Variants in TEX11 observed in about 807,000 individuals in gnomAD.
TEX11 encodes the protein testis expressed 11, also known as testis-expressed protein 11.
A neutral mutation model predicts 84.4 loss-of-function variants in TEX11; 7 were observed. The ratio of observed to expected loss-of-function variants is 0.08; its 90% CI spans 0.05 to 0.16. The LOEUF (loss-of-function observed/expected upper bound fraction) is 0.16. TEX11 is among the 10% of genes least tolerant of loss of function. The probability of loss-of-function intolerance (pLI) is 1.00; values close to 1 mark genes in which losing one functional copy is unlikely to be tolerated. For missense variants in TEX11, 551 were observed against 660.5 expected, an observed-to-expected ratio of 0.83 and a Z score of 1.82; for synonymous variants, 264 against 222.8, an observed-to-expected ratio of 1.18 and a Z score of -1.64.
At chrX:70,735,960 G>A (rs1189757426) in intron 11 of TEX11, among the ~76,000 whole-genome samples, 1 of 111,487 alleles carries the variant, frequency 9.0e-6, no homozygotes, top group East Asian at 2.8e-4. Context: ...CAATTGGGTT[G>A]TTTGTCTTCT....
chrX:70,549,654 G>A (rs945776439), intron 28 of TEX11, among the ~76,000 whole-genome samples: 12 of 111,980 alleles, frequency 1.1e-4, no homozygotes, highest in African/African-American at 3.9e-4. Context: ...CCACCTGATG[G>A]TGGTGGCCAC....
intron 25 of TEX11, among the ~76,000 whole-genome samples, chrX:70,576,875 C>A (rs1207935593): frequency 1.8e-5 from 2 of 112,100 alleles, no homozygotes; most frequent in Non-Finnish European, 3.8e-5. Flanking sequence ...CCTTTATCTA[C>A]AATAACAAGA....
At position 70,666,249 on chromosome X, in the gene TEX11, G is replaced by A. The variant is rs750691976; in HGVS notation, c.1380+4128C>T. Reference sequence around the variant, plus strand: ...CAAGGAAATTTCCTCAGGAAGCTAAGAATGTCATTAAGAGTTAGGCTTTGA... The same window carrying A: ...CAAGGAAATTTCCTCAGGAAGCTAAAAATGTCATTAAGAGTTAGGCTTTGA... On this transcript the variant is annotated intron_variant, in intron 16 of 29. Coordinates refer to ENST00000374333, the MANE Select transcript of TEX11 (RefSeq NM_031276.3). 2.7e-5 allele frequency among the ~76,000 whole-genome samples: 3 copies of A among 111,863 alleles called. No individual in the cohort carries two copies. The South Asian group carries it at 1.1e-3, about 43-fold the overall frequency.
chrX:70,799,945 A>C (rs1034427985), intron 9 of TEX11, among the ~76,000 whole-genome samples: 1 of 111,168 alleles, frequency 9.0e-6, no homozygotes, highest in African/African-American at 3.3e-5. Context: ...TTTTCCTCAC[A>C]AATTGTTGTG....
chrX:70,651,521 T>C lies in TEX11; in HGVS notation c.1412A>G (p.His471Arg). ...AKEAVAEAER[H>R]DPRNVFTQFY... ...TTGAGTGAAAACGTTCCTAGGGTCA[T>C]GTCGTTCAGCTTCTGCCACTGCCTC... is the stretch of plus-strand genomic sequence containing the variant. Residue 471 changes from histidine (H) to arginine (R), a missense_variant, in exon 17 of 30, where the codon CAT becomes CGT. Physicochemically the swap from His to Arg is conservative, Grantham distance 29. Coordinates refer to ENST00000374333, the MANE Select transcript of TEX11 (RefSeq NM_031276.3). 2 of 1,207,782 alleles carry C rather than the reference T, an allele frequency of 1.7e-6. No individual in the cohort carries two copies. The highest frequency in any genetic ancestry group is 2.2e-6 in the Non-Finnish European group (2 of 892,987).
intron 4 of TEX11, among the ~76,000 whole-genome samples, 157 bp downstream of exon 4, chrX:70,873,066 C>A (rs984654718): frequency 1.8e-5 from 2 of 111,288 alleles, no homozygotes; most frequent in Admixed American, 9.6e-5. Flanking sequence ...TGAGGGAGGC[C>A]ATTTGCTTGA....
chrX:70,789,687 A>G (rs73544764), intron 9 of TEX11, among the ~76,000 whole-genome samples: 2,142 of 112,417 alleles, frequency 0.019, 52 homozygotes, highest in African/African-American at 0.065. Flanking sequence ...TACATTGTCA[A>G]TGAGAATGTA....
intron 9 of TEX11, among the ~76,000 whole-genome samples, chrX:70,805,101 C>T (rs1431241846): frequency 9.4e-6 from 1 of 106,276 alleles, no homozygotes; most frequent in Non-Finnish European, 1.9e-5. Flanking sequence ...TGGAATAGAA[C>T]TCCAGCCTGT....
At chrX:70,749,149 T>C (rs1421781748) in intron 9 of TEX11, among the ~76,000 whole-genome samples, 1 of 107,752 alleles carries the variant, frequency 9.3e-6, no homozygotes, top group African/African-American at 3.4e-5. Flanking sequence ...CCCTTGTAAG[T>C]TGGATTCCTA....
chrX:70,631,808 T>C lies in TEX11; in HGVS notation c.1484-2073A>G, dbSNP rs1319987890. On this transcript the variant is annotated intron_variant, in intron 17 of 29. Transcript: ENST00000374333. ...TGTCACTTCCTCCGAATCAGAAGACTGTGTGTTGTGGAAATACTGTATGCA... is the reference window on the plus strand; with the variant it reads ...TGTCACTTCCTCCGAATCAGAAGACCGTGTGTTGTGGAAATACTGTATGCA... Among the ~76,000 whole-genome samples the C allele has an allele frequency of 4.4e-5, 3 of 68,157 alleles. No homozygotes were observed. In the Admixed American group the frequency reaches 5.9e-4, roughly 13 times the overall value. 59.2% of individuals were successfully genotyped at this position (68,157 alleles called of 115,157 possible). A position where few individuals can be genotyped will look rare whatever the true frequency, so the allele number is the denominator to read the frequency against.
At position 70,536,069 on chromosome X, in the gene TEX11, C is replaced by T. The variant is rs777654782; in HGVS notation, c.2521-6070G>A. Among the ~76,000 whole-genome samples, 4 of 111,010 alleles carry T rather than the reference C, an allele frequency of 3.6e-5. No individual in the cohort carries two copies. The East Asian group carries it at 8.4e-4, about 23-fold the overall frequency. On this transcript the variant is annotated intron_variant, in intron 28 of 29. Coordinates refer to ENST00000374333, the MANE Select transcript of TEX11 (RefSeq NM_031276.3). ...TATAGCTTTGATTTTATGTTTAGCT[C>T]TTTAATCTATCTGGATTTTCTTTAT...
intron 22 of TEX11, among the ~76,000 whole-genome samples, chrX:70,608,666 G>T (rs1024229021): frequency 9.3e-6 from 1 of 107,612 alleles, no homozygotes; most frequent in South Asian, 4.3e-4. Flanking sequence ...GTGTGAACCC[G>T]GGAGGCGGAG....
chrX:70,710,657 T>A (rs2090421062), intron 13 of TEX11, among the ~76,000 whole-genome samples: 1 of 109,074 alleles, frequency 9.2e-6, no homozygotes, highest in African/African-American at 3.3e-5. Flanking sequence ...GCAGATCAGG[T>A]CCCATTCCAG....
intron 5 of TEX11, among the ~76,000 whole-genome samples, chrX:70,855,164 TAACAAAA>T (rs2091529226): frequency 9.0e-6 from 1 of 111,375 alleles, no homozygotes; most frequent in East Asian, 2.8e-4. Context: ...ATAATATAAC[TAACAAAA>T]ATTGAGAGGG....
chrX:70,630,473 G>T (rs1397975234), intron 17 of TEX11, among the ~76,000 whole-genome samples: 1 of 110,458 alleles, frequency 9.1e-6, no homozygotes, highest in Non-Finnish European at 1.9e-5. Flanking sequence ...TCTTAAAGGT[G>T]GAATATGACA....
the TEX11 span, among the ~76,000 whole-genome samples, chrX:70,523,556 C>T: frequency 4.5e-5 from 5 of 110,728 alleles, no homozygotes; most frequent in African/African-American, 1.3e-4. Flanking sequence ...CTATGCCTCC[C>T]GGGTTCACAC....
At chrX:70,888,061 A>C (rs2091719156) in intron 2 of TEX11, among the ~76,000 whole-genome samples, 1 of 113,234 alleles carries the variant, frequency 8.8e-6, no homozygotes, top group African/African-American at 3.2e-5. Flanking sequence ...CACAACACCA[A>C]AGTCTTTTCA....
At chrX:70,891,948 GA>G (rs1179660220) in intron 2 of TEX11, among the ~76,000 whole-genome samples, 2 of 111,199 alleles carry the variant, frequency 1.8e-5, no homozygotes, top group Admixed American at 9.6e-5. Flanking sequence ...CTCCAAGGTT[GA>G]AACGAAGGAA....
intron 14 of TEX11, among the ~76,000 whole-genome samples, chrX:70,679,832 A>G (rs867866753): frequency 8.9e-4 from 37 of 41,409 alleles, no homozygotes; most frequent in South Asian, 1.7e-3. Flanking sequence ...GGGAGGTGGG[A>G]GGGGTCAGCC....
Sources: gnomAD v4.1 joint callset for allele counts (sites outside exome capture counted in the v4.1 genomes callset) on GRCh38, gnomAD v4.1.1 for gene constraint, MANE v1.5 for transcripts, NCBI Gene and HGNC (gene_info 2026-07-23, HGNC 2026-07-21) for gene names.